The following SEL1L2 variants were observed in gnomAD, a reference collection of about 807,000 sequenced individuals.
The protein encoded by SEL1L2 is SEL1L2 adaptor subunit of SYVN1 ubiquitin ligase, also known as protein sel-1 homolog 2.
Under a neutral mutation model 98.8 loss-of-function variants are expected in SEL1L2, and 89 were observed. That is an observed-to-expected ratio of 0.90 (90% confidence interval 0.76 to 1.07). The LOEUF (loss-of-function observed/expected upper bound fraction) is 1.07, where lower values mean the gene tolerates loss of function less well. Ranked by LOEUF, SEL1L2 falls within the 50% of genes least tolerant of loss-of-function variation. The probability of loss-of-function intolerance (pLI) is 0.00; values close to 1 mark genes in which losing one functional copy is unlikely to be tolerated. For synonymous variants in SEL1L2, 262 were observed against 278.5 expected (o/e 0.94, Z 0.59); for missense variants, 788 against 812.0 (o/e 0.97, Z 0.36).
chr20:13,972,880 C>T (rs1426046367), intron 1 of SEL1L2, among the ~76,000 whole-genome samples: 1 of 152,048 alleles, frequency 6.6e-6, no homozygotes, highest in Admixed American at 6.6e-5. Flanking sequence ...GGTCTTTTCC[C>T]AGTGTTCTTG....
chr20:13,954,903 A>G (rs954572353), intron 2 of SEL1L2, among the ~76,000 whole-genome samples: 2 of 152,226 alleles, frequency 1.3e-5, no homozygotes, highest in Non-Finnish European at 2.9e-5. Context: ...ATTTCTGCTA[A>G]TAACAATCCC....
chr20:13,897,695 T>A lies in SEL1L2; in HGVS notation c.550-9183A>T, dbSNP rs573726869. ...CTCAACATCACTAATCATTAAGGAA[T>A]GCAAGTCAAAACCACAATAAGAGCC... On this transcript the variant is annotated intron_variant, in intron 5 of 19. Transcript: ENST00000284951. Among the ~76,000 whole-genome samples, 18 of 152,114 alleles carry A rather than the reference T, an allele frequency of 1.2e-4. No individual in the cohort carries two copies. The East Asian group carries it at 3.3e-3, about 28-fold the overall frequency.
chr20:13,887,915 G>T, intron 7 of SEL1L2, 27 bp downstream of exon 7: 1 of 1,610,590 alleles, frequency 6.2e-7, no homozygotes, highest in South Asian at 1.1e-5. Context: ...ATACAAATTT[G>T]GTTCCAAGAA....
chr20:13,983,023 C>CAAAAAA (rs57993052), intron 1 of SEL1L2, among the ~76,000 whole-genome samples: 1,045 of 15,542 alleles, frequency 0.067, 296 homozygotes, highest in Non-Finnish European at 0.097. Context: ...GACTCCATCT[C>CAAAAAA]AAAAAAAAAA....
intron 2 of SEL1L2, among the ~76,000 whole-genome samples, chr20:13,951,411 G>C (rs1397025277): frequency 1.4e-5 from 2 of 138,324 alleles, no homozygotes; most frequent in Non-Finnish European, 3.1e-5. Flanking sequence ...TCAGGAGATC[G>C]AAACACAGTG....
intron 3 of SEL1L2, among the ~76,000 whole-genome samples, chr20:13,923,615 A>G (rs945856207): frequency 2.0e-5 from 3 of 152,186 alleles, no homozygotes; most frequent in African/African-American, 7.2e-5. Flanking sequence ...TTAGCTGAGC[A>G]TAGTGGCACG....
intron 1 of SEL1L2, chr20:13,973,435 T>TCCA (rs1182906080): frequency 4.6e-4 from 70 of 152,348 alleles, no homozygotes; most frequent in Non-Finnish European, 7.6e-4. Flanking sequence ...TGTCCTCGTG[T>TCCA]TAGGCTTGGA....
At chr20:13,905,387 C>T (rs1488060988) in intron 5 of SEL1L2, among the ~76,000 whole-genome samples, 5 of 149,636 alleles carry the variant, frequency 3.3e-5, no homozygotes, top group African/African-American at 1.2e-4. Flanking sequence ...GATCTCAGCT[C>T]ACTGCAAGCT....
At chr20:13,860,794 C>G (rs34521963) in intron 17 of SEL1L2, among the ~76,000 whole-genome samples, 1 of 152,094 alleles carries the variant, frequency 6.6e-6, no homozygotes, top group Non-Finnish European at 1.5e-5. Context: ...TCTACTATCT[C>G]TCTCTCCCTG....
chr20:13,942,893 G>T (rs998161487), intron 2 of SEL1L2, among the ~76,000 whole-genome samples: 1 of 152,104 alleles, frequency 6.6e-6, no homozygotes, highest in Non-Finnish European at 1.5e-5. Flanking sequence ...AAGCAAAGCT[G>T]TTTTTGTTAA....
Position 13,859,326 on chromosome 20 carries a change from T to A in SEL1L2, c.1754A>T (p.Tyr585Phe). 1 of 1,614,192 alleles carries A rather than the reference T, an allele frequency of 6.2e-7. No homozygotes were observed. The highest frequency in any genetic ancestry group is 2.2e-5 in the East Asian group (1 of 44,868). ...ATTGAACATGGCTTGCGCGTTGTGG[T>A]ATTTGTTGGCTGCAATGCTGTAGTG... ...ATHYSIAANK[Y>F]HNAQAMFNLA... The change falls in exon 18 of 20, where the codon TAC (tyrosine) becomes TTC (phenylalanine). Residue 585 changes from tyrosine (Y) to phenylalanine (F), a missense_variant. Tyr to Phe is a conservative substitution (Grantham distance 22). Coordinates refer to ENST00000284951, the MANE Select transcript of SEL1L2 (RefSeq NM_025229.2).
chr20:13,956,557 T>C (rs1402137940), intron 1 of SEL1L2, among the ~76,000 whole-genome samples: 1 of 152,172 alleles, frequency 6.6e-6, no homozygotes, highest in African/African-American at 2.4e-5. Flanking sequence ...CTCATCCATA[T>C]GTCAGAGAGA....
At chr20:13,876,484 C>G (rs1200959243) in intron 11 of SEL1L2, among the ~76,000 whole-genome samples, 1 of 141,634 alleles carries the variant, frequency 7.1e-6, no homozygotes, top group African/African-American at 2.6e-5. Flanking sequence ...CCTATGGTTA[C>G]TAATGCAAAT....
chr20:13,901,667 CTTT>C (rs201961117), intron 5 of SEL1L2, among the ~76,000 whole-genome samples: 1 of 139,684 alleles, frequency 7.2e-6, no homozygotes. Flanking sequence ...AAATTTTTTT[CTTT>C]TTTTTTTTTG....
chr20:13,987,366 GA>G (rs2052270932), intron 1 of SEL1L2, among the ~76,000 whole-genome samples: 1 of 145,556 alleles, frequency 6.9e-6, no homozygotes, highest in African/African-American at 2.6e-5. Flanking sequence ...TTCTTTTTGA[GA>G]CAGAGTCTTG....
intron 1 of SEL1L2, among the ~76,000 whole-genome samples, chr20:13,967,258 C>T (rs2051089679): frequency 6.6e-6 from 1 of 152,128 alleles, no homozygotes; most frequent in Admixed American, 6.5e-5. Flanking sequence ...AGTGAAGAAG[C>T]TACACTTTGT....
chr20:13,967,402 C>T (rs2051099115), intron 1 of SEL1L2, among the ~76,000 whole-genome samples: 1 of 152,086 alleles, frequency 6.6e-6, no homozygotes, highest in Admixed American at 6.6e-5. Context: ...AACTGACTGG[C>T]ATTTTCAAAA....
intron 9 of SEL1L2, among the ~76,000 whole-genome samples, 191 bp downstream of exon 9, chr20:13,886,097 A>G (rs574893701): frequency 6.6e-6 from 1 of 152,274 alleles, no homozygotes; most frequent in Admixed American, 6.5e-5. Context: ...TATTATGGCA[A>G]CTAGTTCTCC....
chr20:13,921,781 T>A (rs952138525), intron 3 of SEL1L2, among the ~76,000 whole-genome samples: 5 of 152,200 alleles, frequency 3.3e-5, no homozygotes, highest in African/African-American at 1.2e-4. Context: ...CTCTGTCTCA[T>A]GATTCTGCAT....
Sources: allele counts gnomAD v4.1 joint callset (sites outside exome capture counted in the v4.1 genomes callset), GRCh38; gene constraint gnomAD v4.1.1; transcripts MANE v1.5; gene names NCBI Gene and HGNC (gene_info 2026-07-23, HGNC 2026-07-21).